Variants in DPP10 observed in about 807,000 individuals in gnomAD.
DPP10 encodes dipeptidyl peptidase like 10.
In DPP10, 33 loss-of-function variants were observed where a neutral mutation model predicts 120.9. The ratio of observed to expected loss-of-function variants is 0.27; its 90% CI spans 0.21 to 0.37. The LOEUF is 0.37. Among genes scored for constraint, DPP10 ranks in the 10% least tolerant of loss-of-function variants. The pLI is 1.00. For missense variants in DPP10, 816 were observed against 942.8 expected, an observed-to-expected ratio of 0.87 and a Z score of 1.76; for synonymous variants, 337 against 326.1, an observed-to-expected ratio of 1.03 and a Z score of -0.36.
chr2:115,386,564 A>G (rs1356399917), intron 3 of DPP10, among the ~76,000 whole-genome samples: 1 of 152,186 alleles, frequency 6.6e-6, no homozygotes, highest in East Asian at 1.9e-4. Flanking sequence ...GAAACTAACC[A>G]TAGATAATGG....
At chr2:115,649,974 G>T (rs1005594890) in intron 5 of DPP10, among the ~76,000 whole-genome samples, 7 of 152,034 alleles carry the variant, frequency 4.6e-5, no homozygotes, top group Non-Finnish European at 8.8e-5. Context: ...TTTGTTTACA[G>T]TGTGCCAAAT....
Position 115,794,059 on chromosome 2 carries a change from C to A in DPP10, c.1700+2703C>A, listed in dbSNP as rs146593077. On this transcript the variant is annotated intron_variant, in intron 19 of 25. Coordinates refer to ENST00000410059, the MANE Select transcript of DPP10 (RefSeq NM_020868.6). ...ACTGTTTTCAGTGACAAATTGACTT[C>A]CCATTCTAAAAGTAATAATAATTAT... 3.5e-3 allele frequency among the ~76,000 whole-genome samples: 534 copies of A among 152,180 alleles called. 4 individuals carry two copies. Among genetic ancestry groups the A allele is most frequent in the African/African-American group, 0.012 (504 of 41,522 alleles).
chr2:115,341,168 T>C (rs1295303887), intron 2 of DPP10, among the ~76,000 whole-genome samples: 1 of 152,166 alleles, frequency 6.6e-6, no homozygotes, highest in East Asian at 1.9e-4. Flanking sequence ...AAAGCACTTA[T>C]CCTTTTATCG....
At chr2:114,446,679 CT>C (rs1677962320) in intron 1 of DPP10, among the ~76,000 whole-genome samples, 1 of 152,174 alleles carries the variant, frequency 6.6e-6, no homozygotes. Context: ...TTAAACGAAT[CT>C]TTAAGATTTT....
intron 5 of DPP10, among the ~76,000 whole-genome samples, chr2:115,555,715 C>T (rs1395224713): frequency 6.6e-6 from 1 of 152,026 alleles, no homozygotes; most frequent in Non-Finnish European, 1.5e-5. Flanking sequence ...CATATTTGGT[C>T]CCTTCATATG....
chr2:114,968,061 C>T (rs2104768467), intron 1 of DPP10, among the ~76,000 whole-genome samples: 1 of 152,238 alleles, frequency 6.6e-6, no homozygotes, highest in East Asian at 1.9e-4. Context: ...AAGGGATTTT[C>T]CACATAAGCA....
intron 1 of DPP10, among the ~76,000 whole-genome samples, chr2:115,055,344 C>T (rs998658710): frequency 1.3e-5 from 2 of 152,138 alleles, no homozygotes; most frequent in Non-Finnish European, 2.9e-5. Flanking sequence ...ACTAATAAAA[C>T]TTACTCCAAA....
chr2:115,072,297 T>C (rs573963830), intron 1 of DPP10, among the ~76,000 whole-genome samples: 1 of 152,170 alleles, frequency 6.6e-6, no homozygotes, highest in African/African-American at 2.4e-5. Flanking sequence ...TAGAAACAGG[T>C]TTTACAGTTT....
intron 5 of DPP10, among the ~76,000 whole-genome samples, chr2:115,652,841 A>C (rs928078996): frequency 1.5e-4 from 23 of 152,000 alleles, no homozygotes; most frequent in African/African-American, 5.5e-4. Flanking sequence ...TCTCATTCAG[A>C]TACACCCTGA....
chr2:115,765,247 A>G (rs565278345), intron 12 of DPP10, among the ~76,000 whole-genome samples: 2 of 152,286 alleles, frequency 1.3e-5, no homozygotes, highest in African/African-American at 4.8e-5. Context: ...AAATGGAAGA[A>G]TGCTTATATA....
intron 1 of DPP10, among the ~76,000 whole-genome samples, chr2:114,891,646 T>C (rs1381691969): frequency 6.6e-6 from 1 of 152,200 alleles, no homozygotes; most frequent in Non-Finnish European, 1.5e-5. Context: ...AGTAACTTTA[T>C]CAAAAGAGGG....
chr2:114,461,817 C>A (rs866676506), intron 1 of DPP10: 42 of 985,060 alleles, frequency 4.3e-5, no homozygotes, highest in Non-Finnish European at 5.1e-5. Flanking sequence ...CTGGTACATA[C>A]CAAATATGAT....
chr2:114,664,354 C>T (rs116197280), intron 1 of DPP10, among the ~76,000 whole-genome samples: 4,014 of 151,936 alleles, frequency 0.026, 200 homozygotes, highest in African/African-American at 0.091. Flanking sequence ...TCTGGCCAGG[C>T]GTGGTGGCTC....
intron 2 of DPP10, among the ~76,000 whole-genome samples, chr2:115,311,142 G>A (rs1374379949): frequency 6.6e-6 from 1 of 152,274 alleles, no homozygotes; most frequent in Non-Finnish European, 1.5e-5. Context: ...AAGAACAAGC[G>A]TGACATACCT....
intron 2 of DPP10, among the ~76,000 whole-genome samples, chr2:115,322,699 G>A (rs2062122557): frequency 6.6e-6 from 1 of 152,116 alleles, no homozygotes; most frequent in Non-Finnish European, 1.5e-5. Context: ...TAATATTGCA[G>A]GTTTAGTTTC....
At chr2:114,954,450 C>A (rs755851799) in intron 1 of DPP10, among the ~76,000 whole-genome samples, 3 of 151,942 alleles carry the variant, frequency 2.0e-5, no homozygotes, top group Non-Finnish European at 2.9e-5. Flanking sequence ...AAACTTATGG[C>A]ATGGAGCAAC....
chr2:115,322,684 C>T (rs1263786925), intron 2 of DPP10, among the ~76,000 whole-genome samples: 1 of 152,186 alleles, frequency 6.6e-6, no homozygotes, highest in African/African-American at 2.4e-5. Context: ...TGCAGGCATG[C>T]ATTGTAATAT....
At chr2:114,714,973 A>G (rs569416192) in intron 1 of DPP10, among the ~76,000 whole-genome samples, 1 of 152,288 alleles carries the variant, frequency 6.6e-6, no homozygotes, top group East Asian at 1.9e-4. Flanking sequence ...GAAAGACAAA[A>G]GTCGCTTGAA....
chr2:114,566,230 C>A (rs145575979), intron 1 of DPP10, among the ~76,000 whole-genome samples: 1 of 152,252 alleles, frequency 6.6e-6, no homozygotes, highest in Non-Finnish European at 1.5e-5. Context: ...ACATTCTGGG[C>A]TCAGGGACCA....
Sources: allele counts gnomAD v4.1 joint callset (sites outside exome capture counted in the v4.1 genomes callset), GRCh38; gene constraint gnomAD v4.1.1; transcripts MANE v1.5; gene names NCBI Gene and HGNC (gene_info 2026-07-23, HGNC 2026-07-21).